Variants in ERBB4 observed in about 807,000 individuals in gnomAD.
ERBB4 encodes the protein erb-b2 receptor tyrosine kinase 4.
ERBB4 carries 42 observed loss-of-function variants against 158.0 expected under a neutral mutation model. The observed-to-expected ratio is 0.27, with a 90% CI of 0.21 to 0.34. ERBB4 has a LOEUF of 0.34. ERBB4 is among the 10% of genes least tolerant of loss of function. The pLI is 1.00. For missense variants in ERBB4, 1,333 were observed against 1,624.1 expected (o/e 0.82, Z 3.08); for synonymous variants, 583 against 558.7 (o/e 1.04, Z -0.61).
At chr2:211,472,576 C>G (rs2064853914) in intron 20 of ERBB4, among the ~76,000 whole-genome samples, 1 of 151,848 alleles carries the variant, frequency 6.6e-6, no homozygotes, top group East Asian at 1.9e-4. Context: ...TGTGCATTAT[C>G]CCACAGCATA....
chr2:212,072,247 T>A (rs2078142986), intron 2 of ERBB4, among the ~76,000 whole-genome samples: 1 of 151,982 alleles, frequency 6.6e-6, no homozygotes, highest in African/African-American at 2.4e-5. Context: ...GATGGAACTA[T>A]TTCTAGTTTT....
intron 1 of ERBB4, among the ~76,000 whole-genome samples, chr2:212,211,705 C>A (rs1239632238): frequency 6.6e-6 from 1 of 151,414 alleles, no homozygotes; most frequent in Non-Finnish European, 1.5e-5. Flanking sequence ...ACCTATTGAC[C>A]CATCCTCTAA....
chr2:211,510,987 G>C (rs2065870459), intron 20 of ERBB4, among the ~76,000 whole-genome samples: 1 of 151,640 alleles, frequency 6.6e-6, no homozygotes, highest in Non-Finnish European at 1.5e-5. Flanking sequence ...AATATACCAA[G>C]AGATTATGAA....
intron 18 of ERBB4, among the ~76,000 whole-genome samples, chr2:211,620,882 G>A (rs563866576): frequency 5.5e-4 from 83 of 152,036 alleles, no homozygotes; most frequent in Non-Finnish European, 7.2e-4. Flanking sequence ...GAGGCAGGAG[G>A]GTCTCTTGAG....
chr2:212,374,385 T>G (rs17347662), intron 1 of ERBB4, among the ~76,000 whole-genome samples: 1 of 151,782 alleles, frequency 6.6e-6, no homozygotes. Flanking sequence ...CATTATAGTA[T>G]AGCAACAATA....
chr2:212,426,352 T>C (rs748152022), intron 1 of ERBB4: 4 of 433,986 alleles, frequency 9.2e-6, no homozygotes, highest in South Asian at 5.5e-5. Flanking sequence ...ACCAACCTAA[T>C]AGTTATTAGA....
chr2:212,398,410 C>G (rs1002365226), intron 1 of ERBB4, among the ~76,000 whole-genome samples: 1 of 152,018 alleles, frequency 6.6e-6, no homozygotes, highest in Non-Finnish European at 1.5e-5. Context: ...TTAAAGATTT[C>G]CACACTTCTC....
chr2:211,842,556 C>T (rs985202071), intron 3 of ERBB4, among the ~76,000 whole-genome samples: 1 of 151,798 alleles, frequency 6.6e-6, no homozygotes, highest in Non-Finnish European at 1.5e-5. Context: ...AGAATATCTC[C>T]TATCTTTTTC....
intron 16 of ERBB4, among the ~76,000 whole-genome samples, chr2:211,634,616 T>C (rs73080720): frequency 0.012 from 1,787 of 152,284 alleles, 37 homozygotes; most frequent in African/African-American, 0.041. Flanking sequence ...CATCTCTCCT[T>C]GGTCTAATGA....
At chr2:212,355,759 CA>C (rs2089440215) in intron 1 of ERBB4, among the ~76,000 whole-genome samples, 1 of 151,506 alleles carries the variant, frequency 6.6e-6, no homozygotes, top group East Asian at 1.9e-4. Context: ...GATATATATG[CA>C]TGTGTGTATT....
chr2:211,815,514 AT>A (rs200688003), intron 3 of ERBB4, among the ~76,000 whole-genome samples: 19 of 152,166 alleles, frequency 1.2e-4, no homozygotes, highest in South Asian at 2.1e-4. Context: ...TAAAAAGGAG[AT>A]TTTTTTTCCC....
intron 20 of ERBB4, among the ~76,000 whole-genome samples, chr2:211,521,657 C>A (rs906952270): frequency 1.3e-5 from 2 of 152,052 alleles, no homozygotes; most frequent in African/African-American, 4.8e-5. Flanking sequence ...TTTTTATAGC[C>A]AGAGAGAAGT....
intron 7 of ERBB4, among the ~76,000 whole-genome samples, chr2:211,714,738 A>G (rs2073837473): frequency 6.6e-6 from 1 of 152,190 alleles, no homozygotes; most frequent in Admixed American, 6.5e-5. Context: ...AGAATTGCCT[A>G]TCATGAACAG....
At chr2:212,444,372 C>T (rs1026366650) in intron 1 of ERBB4, among the ~76,000 whole-genome samples, 3 of 152,052 alleles carry the variant, frequency 2.0e-5, no homozygotes, top group Non-Finnish European at 4.4e-5. Flanking sequence ...GCCAGATGTG[C>T]GATTATATAC....
chr2:212,237,471 C>T (rs529718397), intron 1 of ERBB4, among the ~76,000 whole-genome samples: 4 of 152,280 alleles, frequency 2.6e-5, no homozygotes, highest in African/African-American at 9.6e-5. Context: ...AGAGGGCCAC[C>T]TGCCAGATGC....
chr2:211,802,425 A>G (rs1454261596), intron 3 of ERBB4, among the ~76,000 whole-genome samples: 5 of 152,232 alleles, frequency 3.3e-5, no homozygotes, highest in Admixed American at 2.6e-4. Context: ...TAATATTTTG[A>G]GAACTTAACT....
At chr2:211,702,258 G>T in intron 11 of ERBB4, 92 bp from the exon 12 acceptor site, 1 of 927,428 alleles carries the variant, frequency 1.1e-6, no homozygotes, top group Non-Finnish European at 1.8e-6. Context: ...AATGTTAATG[G>T]TGTATAAATG....
chr2:211,490,013 G>A (rs961145265), intron 20 of ERBB4, among the ~76,000 whole-genome samples: 4 of 152,064 alleles, frequency 2.6e-5, no homozygotes, highest in African/African-American at 9.7e-5. Flanking sequence ...AAGGTGTGTG[G>A]AGGCTTTAAG....
intron 13 of ERBB4, among the ~76,000 whole-genome samples, chr2:211,677,321 T>G (rs929436781): frequency 2.6e-5 from 4 of 152,028 alleles, no homozygotes; most frequent in African/African-American, 9.7e-5. Context: ...TCCCAGCACT[T>G]TGGGAGGCCG....
Sources: gnomAD v4.1 joint callset for allele counts (sites outside exome capture counted in the v4.1 genomes callset) on GRCh38, gnomAD v4.1.1 for gene constraint, MANE v1.5 for transcripts, NCBI Gene and HGNC (gene_info 2026-07-23, HGNC 2026-07-21) for gene names.